The following EPDR1 variants were observed in gnomAD, a reference collection of about 807,000 sequenced individuals.
The protein encoded by EPDR1 is ependymin related 1, also known as mammalian ependymin-related protein 1.
In EPDR1, 27 loss-of-function variants were observed where a neutral mutation model predicts 23.7. The ratio of observed to expected loss-of-function variants is 1.14; its 90% CI spans 0.84 to 1.57. The LOEUF (loss-of-function observed/expected upper bound fraction) is 1.57, where lower values mean the gene tolerates loss of function less well. Ranked by LOEUF, EPDR1 falls within the 40% of genes most tolerant of loss-of-function variation. The pLI is 0.00. For synonymous variants in EPDR1, 137 were observed against 118.2 expected, an observed-to-expected ratio of 1.16 and a Z score of -1.03; for missense variants, 349 against 290.4, an observed-to-expected ratio of 1.20 and a Z score of -1.47.
rs116196008 is a variant in EPDR1, at chr7:37,933,482, T to C, written c.269+12274T>C. On this transcript the variant is annotated intron_variant, in intron 1 of 2. Coordinates refer to ENST00000199448, the MANE Select transcript of EPDR1 (RefSeq NM_017549.5). ...CCCGTACTTAACTACGAAGTTATGC[T>C]GTGAGCCTCATATTTTCTCATCTGT... 6.4e-3 allele frequency among the ~76,000 whole-genome samples: 970 copies of C among 152,370 alleles called. 11 individuals carry two copies. The highest frequency in any genetic ancestry group is 0.022 in the African/African-American group (931 of 41,582).
Position 37,921,121 on chromosome 7 carries a change from G to A in EPDR1, c.182G>A (p.Arg61His). The A allele has an allele frequency of 6.3e-7, 1 of 1,594,540 alleles. No individual in the cohort carries two copies. Among genetic ancestry groups the A allele is most frequent in the South Asian group, 1.1e-5 (1 of 90,680 alleles). ...RQVMYQQSSG[R>H]NSRALLSYDG... ...GTTATGTACCAGCAAAGTAGCGGGC[G>A]CAACAGCCGCGCCCTGCTCTCCTAC... The change falls in exon 1 of 3, where the codon CGC becomes CAC. Residue 61 changes from arginine to histidine, a missense_variant. Transcript: ENST00000199448.
chr7:37,931,271 T>G (rs1049188881), intron 1 of EPDR1, among the ~76,000 whole-genome samples: 1 of 152,198 alleles, frequency 6.6e-6, no homozygotes, highest in East Asian at 1.9e-4. Context: ...CCCAGCACTT[T>G]GGGAGGCCGA....
chr7:37,924,722 C>T (rs1785782512), intron 1 of EPDR1, among the ~76,000 whole-genome samples: 2 of 152,206 alleles, frequency 1.3e-5, no homozygotes, highest in Admixed American at 6.5e-5. Context: ...GGCCCTAAGT[C>T]AGATGTGGAA....
chr7:37,941,777 G>A (rs561440300), intron 1 of EPDR1, among the ~76,000 whole-genome samples: 11 of 152,294 alleles, frequency 7.2e-5, no homozygotes, highest in Middle Eastern at 3.4e-3. Context: ...GCTTTAAGAT[G>A]TATTTGGGGG....
At chr7:37,944,344 C>A (rs1180527283) in intron 1 of EPDR1, among the ~76,000 whole-genome samples, 2 of 152,184 alleles carry the variant, frequency 1.3e-5, no homozygotes, top group Non-Finnish European at 2.9e-5. Flanking sequence ...ACCTCGGTTG[C>A]CATGACACAG....
At position 37,920,902 on chromosome 7, in the gene EPDR1, G is replaced by T. The variant is rs1583659071; in HGVS notation, c.-38G>T. 1.2e-6 allele frequency: 2 copies of T among 1,611,050 alleles called. No individual in the cohort carries two copies. The highest frequency in any genetic ancestry group is 1.7e-6 in the Non-Finnish European group (2 of 1,179,180). On this transcript the variant is annotated 5_prime_UTR_variant, in exon 1 of 3. Coordinates refer to ENST00000199448, the MANE Select transcript of EPDR1 (RefSeq NM_017549.5). ...CCCGGACGCCTCAGCGCCCCCTTGG[G>T]CTTGGGCTTGCCCTCGGGCCGGGGA...
intron 1 of EPDR1, among the ~76,000 whole-genome samples, chr7:37,924,716 C>A (rs1785782368): frequency 6.6e-6 from 1 of 152,158 alleles, no homozygotes; most frequent in Non-Finnish European, 1.5e-5. Context: ...ATCGCTGGCC[C>A]TAAGTCAGAT....
At chr7:37,945,065 G>C (rs1415629710) in intron 1 of EPDR1, among the ~76,000 whole-genome samples, 1 of 152,156 alleles carries the variant, frequency 6.6e-6, no homozygotes, top group Non-Finnish European at 1.5e-5. Context: ...AGTATCACAG[G>C]ACAGGATTTG....
At chr7:37,939,642 C>G (rs1295843947) in intron 1 of EPDR1, among the ~76,000 whole-genome samples, 1 of 152,072 alleles carries the variant, frequency 6.6e-6, no homozygotes, top group African/African-American at 2.4e-5. Context: ...AAGTTGGAAT[C>G]CATGCATAGT....
At chr7:37,936,766 T>C (rs986452733) in intron 1 of EPDR1, among the ~76,000 whole-genome samples, 2 of 152,060 alleles carry the variant, frequency 1.3e-5, no homozygotes, top group Admixed American at 1.3e-4. Context: ...TTAAAGGAAA[T>C]GTGCAAACCT....
chr7:37,928,815 A>G lies in EPDR1; in HGVS notation c.269+7607A>G, dbSNP rs148589803. ...CCTACCTATACCCTAATTTTGATAT[A>G]TACTGAATCTGACCATACCTCTACT... On this transcript the variant is annotated intron_variant, in intron 1 of 2. Transcript: ENST00000199448. 1.2e-3 allele frequency among the ~76,000 whole-genome samples: 184 copies of G among 152,192 alleles called. 1 individual carries two copies. The highest frequency in any genetic ancestry group is 4.3e-3 in the African/African-American group (180 of 41,498).
At chr7:37,938,247 C>G (rs1207398424) in intron 1 of EPDR1, among the ~76,000 whole-genome samples, 2 of 152,006 alleles carry the variant, frequency 1.3e-5, no homozygotes, top group East Asian at 3.9e-4. Flanking sequence ...GCCATGACCT[C>G]CCAAAGTGCT....
chr7:37,921,849 T>C (rs967673191), intron 1 of EPDR1, among the ~76,000 whole-genome samples: 1 of 152,218 alleles, frequency 6.6e-6, no homozygotes, highest in African/African-American at 2.4e-5. Context: ...TTTTTTAACT[T>C]AACATTGTCC....
chr7:37,948,778 G>A lies in EPDR1; in HGVS notation c.270-62G>A. On this transcript the variant is annotated intron_variant, in intron 1 of 2. Transcript: ENST00000199448. ...AATATCTATCAAAGGTGTTTGTGCT[G>A]TTAAAAGGCACGAGGATGGTAACAT... 3 of 1,359,434 alleles carry A rather than the reference G, an allele frequency of 2.2e-6. No individual in the cohort carries two copies. In the South Asian group the frequency reaches 3.5e-5, roughly 16 times the overall value. 84.2% of individuals were successfully genotyped at this position (1,359,434 alleles called of 1,614,324 possible).
intron 1 of EPDR1, among the ~76,000 whole-genome samples, chr7:37,939,667 C>T (rs1283833421): frequency 6.6e-6 from 1 of 152,136 alleles, no homozygotes; most frequent in East Asian, 1.9e-4. Flanking sequence ...TCATAATACA[C>T]ATTTTCCGTG....
chr7:37,936,191 GA>G (rs1177902352), intron 1 of EPDR1, among the ~76,000 whole-genome samples: 1 of 150,582 alleles, frequency 6.6e-6, no homozygotes, highest in African/African-American at 2.4e-5. Flanking sequence ...TTTATTCCAG[GA>G]ATGCAAAGAT....
chr7:37,941,101 A>G (rs1318706271), intron 1 of EPDR1, among the ~76,000 whole-genome samples: 4 of 152,206 alleles, frequency 2.6e-5, no homozygotes, highest in Admixed American at 6.5e-5. Flanking sequence ...AAATTTTAGC[A>G]TCAAAAGGAA....
chr7:37,922,879 G>C (rs1468558207), intron 1 of EPDR1, among the ~76,000 whole-genome samples: 1 of 152,158 alleles, frequency 6.6e-6, no homozygotes, highest in Non-Finnish European at 1.5e-5. Flanking sequence ...ACTCAGTTGG[G>C]CACCTAACCC....
intron 1 of EPDR1, among the ~76,000 whole-genome samples, chr7:37,932,856 G>T (rs1785972423): frequency 6.6e-6 from 1 of 152,078 alleles, no homozygotes; most frequent in South Asian, 2.1e-4. Context: ...CCTACACATT[G>T]CCAATATTCA....
Sources: allele counts gnomAD v4.1 joint callset (sites outside exome capture counted in the v4.1 genomes callset), GRCh38; gene constraint gnomAD v4.1.1; transcripts MANE v1.5; gene names NCBI Gene and HGNC (gene_info 2026-07-23, HGNC 2026-07-21).